Variants in TRPC6 observed in about 807,000 individuals in gnomAD.
TRPC6 encodes the protein transient receptor potential cation channel subfamily C member 6, also known as short transient receptor potential channel 6.
A neutral mutation model predicts 90.7 loss-of-function variants in TRPC6; 55 were observed. The ratio of observed to expected loss-of-function variants is 0.61; its 90% CI spans 0.49 to 0.76. The LOEUF (loss-of-function observed/expected upper bound fraction) is 0.76, where lower values mean the gene tolerates loss of function less well. Ranked by LOEUF, TRPC6 falls within the 30% of genes least tolerant of loss-of-function variation. The pLI is 0.00. For synonymous variants in TRPC6, 393 were observed against 393.0 expected, an observed-to-expected ratio of 1.00 and a Z score of 0.00; for missense variants, 989 against 1,122.7, an observed-to-expected ratio of 0.88 and a Z score of 1.70.
At position 101,504,493 on chromosome 11, in the gene TRPC6, G is replaced by A. The variant is rs1004058102; in HGVS notation, c.476C>T (p.Ser159Phe). The A allele has an allele frequency of 1.9e-6, 3 of 1,613,958 alleles. No individual in the cohort carries two copies. Among genetic ancestry groups the A allele is most frequent in the Admixed American group, 3.3e-5 (2 of 59,970 alleles). Residue 159 changes from serine to phenylalanine, a missense_variant, in exon 2 of 13, where the codon TCT becomes TTT. Ser to Phe is a radical substitution (Grantham distance 155). Coordinates refer to ENST00000344327, the MANE Select transcript of TRPC6 (RefSeq NM_004621.6). ...TELLLKKENL[S>F]RVGDALLLAI... ...TAGAAGCAAAGCATCCCCAACTCGA[G>A]AGAGGTTTTCTTTCTTGAGAAGAAG...
chr11:101,553,775 T>C (rs1031743518), intron 1 of TRPC6, among the ~76,000 whole-genome samples: 3 of 152,100 alleles, frequency 2.0e-5, no homozygotes, highest in Non-Finnish European at 4.4e-5. Flanking sequence ...CATAGCTACT[T>C]TTAGAAGAGT....
intron 1 of TRPC6, among the ~76,000 whole-genome samples, chr11:101,507,067 C>G (rs1275341203): frequency 2.0e-5 from 3 of 150,396 alleles, no homozygotes; most frequent in Non-Finnish European, 3.0e-5. Context: ...CCTTCATGGT[C>G]CCTTATCATT....
Position 101,469,436 on chromosome 11 carries a change from G to GTCAAGTGATAATTTTGAAAGGTCT in TRPC6, c.2451_2474dup (p.Glu817_Leu824dup). Reference sequence around the variant, plus strand: ...TCAAATATGAGCTTACCTGTTTTTTGTCAAGTGATAATTTTGAAAGGTCTT... The same window carrying GTCAAGTGATAATTTTGAAAGGTCT: ...TCAAATATGAGCTTACCTGTTTTTTGTCAAGTGATAATTTTGAAAGGTCTTCAAGTGATAATTTTGAAAGGTCTT... On this transcript the variant is annotated inframe_insertion, in exon 10 of 13. Coordinates refer to ENST00000344327, the MANE Select transcript of TRPC6 (RefSeq NM_004621.6). The GTCAAGTGATAATTTTGAAAGGTCT allele has an allele frequency of 1.3e-6, 1 of 771,962 alleles. No individual in the cohort carries two copies. Among genetic ancestry groups the GTCAAGTGATAATTTTGAAAGGTCT allele is most frequent in the Non-Finnish European group, 2.4e-6 (1 of 413,246 alleles). 47.8% of individuals were successfully genotyped at this position (771,962 alleles called of 1,614,324 possible).
chr11:101,475,239 C>A (rs553101200), intron 6 of TRPC6, among the ~76,000 whole-genome samples: 1 of 152,270 alleles, frequency 6.6e-6, no homozygotes, highest in East Asian at 1.9e-4. Flanking sequence ...GAGATCCCAA[C>A]AATTCCTTCG....
chr11:101,541,949 G>A (rs1861182379), intron 1 of TRPC6, among the ~76,000 whole-genome samples: 2 of 152,052 alleles, frequency 1.3e-5, no homozygotes, highest in South Asian at 4.1e-4. Flanking sequence ...CTAGAAGTTT[G>A]GAATATCTGG....
At chr11:101,471,105 CTTT>C in intron 9 of TRPC6, 75 bp downstream of exon 9, 1 of 1,425,544 alleles carries the variant, frequency 7.0e-7, no homozygotes, top group Non-Finnish European at 9.8e-7. Context: ...AACTGCTTCT[CTTT>C]AAAGGGATGT....
At chr11:101,514,273 T>C (rs1860465900) in intron 1 of TRPC6, among the ~76,000 whole-genome samples, 1 of 113,846 alleles carries the variant, frequency 8.8e-6, no homozygotes, top group Non-Finnish European at 1.9e-5. Flanking sequence ...AATAAGGGTA[T>C]GGCAGAAAAA....
intron 1 of TRPC6, among the ~76,000 whole-genome samples, chr11:101,564,277 T>C (rs1800390394): frequency 6.6e-6 from 1 of 152,184 alleles, no homozygotes; most frequent in Non-Finnish European, 1.5e-5. Flanking sequence ...TAACAGTTCA[T>C]TGTTGATATA....
rs1858798841 is a variant in TRPC6, at chr11:101,453,011, T to C, written c.2740A>G (p.Arg914Gly). 3 of 1,613,984 alleles carry C rather than the reference T, an allele frequency of 1.9e-6. No individual in the cohort carries two copies. Among genetic ancestry groups the C allele is most frequent in the Non-Finnish European group, 2.5e-6 (3 of 1,179,882 alleles). Residue 914 changes from arginine to glycine, a missense_variant, in exon 13 of 13, where the codon AGA (arginine) becomes GGA (glycine). This residue lies in a region of TRPC6 where 191 missense variants were observed against 196.7 expected (regional missense o/e 0.97). Coordinates refer to ENST00000344327, the MANE Select transcript of TRPC6 (RefSeq NM_004621.6). ...ATGGATAATTTCTCTCCAAGTTCTC[T>C]AATAAGTTCTGCTAGGTCTTCTGTA... ...QNTEDLAELI[R>G]ELGEKLSMEP...
chr11:101,527,484 T>G (rs945888398), intron 1 of TRPC6, among the ~76,000 whole-genome samples: 2 of 152,172 alleles, frequency 1.3e-5, no homozygotes, highest in African/African-American at 4.8e-5. Context: ...ATTTACATTT[T>G]TGATGACACA....
intron 2 of TRPC6, among the ~76,000 whole-genome samples, chr11:101,500,744 A>G (rs1038422324): frequency 2.6e-5 from 4 of 152,188 alleles, no homozygotes; most frequent in Non-Finnish European, 5.9e-5. Context: ...TTACAATAAT[A>G]AAAGCTATAA....
intron 1 of TRPC6, among the ~76,000 whole-genome samples, chr11:101,549,106 A>C (rs988284241): frequency 2.0e-5 from 3 of 151,984 alleles, no homozygotes; most frequent in African/African-American, 7.2e-5. Flanking sequence ...TACAGATCAG[A>C]ACAAAGGCCT....
At chr11:101,498,872 CAG>C (rs1463397054) in intron 2 of TRPC6, among the ~76,000 whole-genome samples, 3 of 151,942 alleles carry the variant, frequency 2.0e-5, no homozygotes, top group Admixed American at 6.6e-5. Context: ...CTTTAAACAA[CAG>C]AGAGTCCCCC....
At chr11:101,478,867 T>G (rs1175757064) in intron 5 of TRPC6, among the ~76,000 whole-genome samples, 2 of 152,194 alleles carry the variant, frequency 1.3e-5, no homozygotes, top group African/African-American at 4.8e-5. Context: ...TGCCTTCAAA[T>G]TTCTTTTTAC....
intron 2 of TRPC6, among the ~76,000 whole-genome samples, chr11:101,492,819 C>A (rs1346160921): frequency 6.6e-6 from 1 of 152,156 alleles, no homozygotes; most frequent in East Asian, 1.9e-4. Flanking sequence ...AAGTACGTGT[C>A]TATTTAACAG....
rs1316170812 is a variant in TRPC6, at chr11:101,583,547, C to T, written c.-44G>A. ...GCCTGGGCCCCGCTCCCGGGGGAGCCGAGTGGGCAGTTCCAGCGGGGACCC... is the reference window on the plus strand; with the variant it reads ...GCCTGGGCCCCGCTCCCGGGGGAGCTGAGTGGGCAGTTCCAGCGGGGACCC... On this transcript the variant is annotated 5_prime_UTR_variant, in exon 1 of 13. Transcript: ENST00000344327. 8 of 1,411,870 alleles carry T rather than the reference C, an allele frequency of 5.7e-6. No homozygotes were observed. In the Admixed American group the frequency reaches 1.8e-4, roughly 31 times the overall value. 87.5% of individuals were successfully genotyped at this position (1,411,870 alleles called of 1,614,324 possible).
At chr11:101,484,020 T>C (rs761853583) in intron 4 of TRPC6, among the ~76,000 whole-genome samples, 14 of 152,144 alleles carry the variant, frequency 9.2e-5, no homozygotes, top group Non-Finnish European at 1.6e-4. Flanking sequence ...GTGTGTGCAG[T>C]TTCCCCCACC....
At chr11:101,507,013 A>G (rs989663285) in intron 1 of TRPC6, among the ~76,000 whole-genome samples, 3 of 136,110 alleles carry the variant, frequency 2.2e-5, no homozygotes, top group Non-Finnish European at 3.3e-5. Context: ...TCTAACACAC[A>G]CACACACACA....
At chr11:101,507,044 C>CACAT (rs1860289745) in intron 1 of TRPC6, among the ~76,000 whole-genome samples, 1 of 147,596 alleles carries the variant, frequency 6.8e-6, no homozygotes, top group Non-Finnish European at 1.5e-5. Flanking sequence ...CACACACACA[C>CACAT]ACACACAGAC....
Sources: gnomAD v4.1 joint callset for allele counts (sites outside exome capture counted in the v4.1 genomes callset) on GRCh38, gnomAD v4.1.1 for gene constraint, gnomAD v4.1.1 regional missense constraint, MANE v1.5 for transcripts, NCBI Gene and HGNC (gene_info 2026-07-23, HGNC 2026-07-21) for gene names.